RGS9: variants seen among roughly 807,000 people sequenced by gnomAD.
The protein encoded by RGS9 is regulator of G-protein signalling 9.
In RGS9, 78 loss-of-function variants were observed where a neutral mutation model predicts 102.0. The observed-to-expected ratio is 0.76, with a 90% CI of 0.64 to 0.92. RGS9 has a LOEUF of 0.92. RGS9 is among the 40% of genes least tolerant of loss of function. RGS9 has a pLI of 0.00. For missense variants in RGS9, 833 were observed against 866.1 expected (o/e 0.96, Z 0.48); for synonymous variants, 353 against 318.6 (o/e 1.11, Z -1.15).
chr17:65,159,443 T>G (rs993629126), intron 3 of RGS9, among the ~76,000 whole-genome samples: 1 of 151,996 alleles, frequency 6.6e-6, no homozygotes, highest in Non-Finnish European at 1.5e-5. Context: ...GGCATACAAC[T>G]TTAGGACTTG....
At position 65,225,126 on chromosome 17, in the gene RGS9, G is replaced by C; in HGVS notation, c.1532G>C (p.Ser511Thr). The change falls in exon 18 of 19, where the codon AGC (serine) becomes ACC (threonine). Residue 511 changes from serine to threonine, a missense_variant. Physicochemically the swap from Ser to Thr is moderately conservative, Grantham distance 58. Coordinates refer to ENST00000262406, the MANE Select transcript of RGS9 (RefSeq NM_003835.4). ...CCCAGGAAGCCTTTCGCCTCACCCAGCCGCTTCATCCGGCGACCCAGCACC... is the reference window on the plus strand; with the variant it reads ...CCCAGGAAGCCTTTCGCCTCACCCACCCGCTTCATCCGGCGACCCAGCACC... ...RSPRKPFASP[S>T]RFIRRPSTTI... 6.2e-7 allele frequency: 1 copy of C among 1,613,780 alleles called. No individual in the cohort carries two copies. Among genetic ancestry groups the C allele is most frequent in the South Asian group, 1.1e-5 (1 of 91,082 alleles).
chr17:65,146,433 C>A (rs530095065), intron 1 of RGS9, among the ~76,000 whole-genome samples: 11 of 151,582 alleles, frequency 7.3e-5, no homozygotes, highest in Admixed American at 2.0e-4. Context: ...ACTAAAAATA[C>A]AAAAATTAGC....
intron 10 of RGS9, 52 bp from the exon 11 acceptor site, chr17:65,190,123 A>G: frequency 7.1e-7 from 1 of 1,403,364 alleles, no homozygotes; most frequent in Non-Finnish European, 1.0e-6. Context: ...GTGTAGTGAC[A>G]CTGAAGGGTG....
chr17:65,220,287 G>C (rs949811532), intron 17 of RGS9, among the ~76,000 whole-genome samples: 1 of 152,144 alleles, frequency 6.6e-6, no homozygotes, highest in Non-Finnish European at 1.5e-5. Flanking sequence ...TTTGCAGTGC[G>C]GTCCTCCAGC....
intron 6 of RGS9, among the ~76,000 whole-genome samples, chr17:65,161,368 T>C (rs541185415): frequency 1.3e-3 from 200 of 152,230 alleles, no homozygotes; most frequent in African/African-American, 4.7e-3. Flanking sequence ...TCTCCTGCCT[T>C]AGCCTCCCGA....
intron 16 of RGS9, among the ~76,000 whole-genome samples, chr17:65,208,557 C>A (rs1159658836): frequency 6.6e-6 from 1 of 152,124 alleles, no homozygotes; most frequent in African/African-American, 2.4e-5. Context: ...TCTGGTAGAG[C>A]CATTGGGACA....
chr17:65,178,258 C>A (rs948740857), intron 9 of RGS9, among the ~76,000 whole-genome samples: 1 of 152,104 alleles, frequency 6.6e-6, no homozygotes, highest in Admixed American at 6.5e-5. Context: ...ATGACAGGAC[C>A]TGGAATCTAA....
At chr17:65,153,740 A>G (rs533302393) in intron 2 of RGS9, among the ~76,000 whole-genome samples, 1 of 152,104 alleles carries the variant, frequency 6.6e-6, no homozygotes, top group Non-Finnish European at 1.5e-5. Context: ...AATACAAAAA[A>G]TTAGCTGGGC....
Position 65,215,474 on chromosome 17 carries a change from C to CTT in RGS9, c.1407+4870_1407+4871insTT, listed in dbSNP as rs1378047430. 1.4e-3 allele frequency among the ~76,000 whole-genome samples: 186 copies of CTT among 137,030 alleles called. 2 individuals are homozygous for CTT. The highest frequency in any genetic ancestry group is 5.5e-3 in the East Asian group (26 of 4,716). The allele number at this position is 137,030 out of a possible 152,430, so 89.9% of individuals were successfully genotyped here. Reference sequence around the variant, plus strand: ...GGAGTTTCTCTTTCTTTCTTTCTTTCTCTATCTTTCTTTCGTTCTTTCGTT... The same window carrying CTT: ...GGAGTTTCTCTTTCTTTCTTTCTTTCTTTCTATCTTTCTTTCGTTCTTTCGTT... On this transcript the variant is annotated intron_variant, in intron 17 of 18. Transcript: ENST00000262406.
intron 1 of RGS9, among the ~76,000 whole-genome samples, chr17:65,139,134 C>T (rs1189433017): frequency 1.1e-3 from 154 of 139,402 alleles, no homozygotes; most frequent in African/African-American, 1.5e-3. Context: ...CCTCCTCCAC[C>T]CCAGGTCCTC....
rs145220078 is a variant in RGS9 at position 65,197,257 on chromosome 17, CA to C, written c.976+25del. 258 of 1,492,452 alleles carry C rather than the reference CA, an allele frequency of 1.7e-4. No homozygotes were observed. Among genetic ancestry groups the C allele is most frequent in the Non-Finnish European group, 2.1e-4 (225 of 1,076,462 alleles). The allele number at this position is 1,492,452 out of a possible 1,614,324, so 92.5% of individuals were successfully genotyped here. On this transcript the variant is annotated intron_variant, in intron 13 of 18. Transcript: ENST00000262406. Reference sequence around the variant, plus strand: ...GAATTCAGTGGTGGGTCTTTGTTTACAAAAAAAAATTAAAATAACTTACTTT... The same window carrying C: ...GAATTCAGTGGTGGGTCTTTGTTTACAAAAAAAATTAAAATAACTTACTTT...
intron 1 of RGS9, among the ~76,000 whole-genome samples, chr17:65,138,976 C>CCTCCTACATCCT (rs745512381): frequency 3.4e-5 from 3 of 87,852 alleles, no homozygotes; most frequent in African/African-American, 7.3e-5. Flanking sequence ...TCCTCCACCC[C>CCTCCTACATCCT]AGCATCCCCT....
chr17:65,198,456 A>G (rs1912680206), intron 13 of RGS9, among the ~76,000 whole-genome samples: 2 of 152,132 alleles, frequency 1.3e-5, no homozygotes, highest in Admixed American at 6.5e-5. Context: ...GGGTTTCGCC[A>G]TGTTGGCCAG....
At chr17:65,149,754 G>A (rs1347377665) in intron 1 of RGS9, among the ~76,000 whole-genome samples, 2 of 152,126 alleles carry the variant, frequency 1.3e-5, no homozygotes, top group African/African-American at 4.8e-5. Context: ...GGATTATAAA[G>A]TCACAAATTA....
At chr17:65,180,153 TGTCTGCGA>T (rs778307491) in intron 9 of RGS9, 1 of 152,220 alleles carries the variant, frequency 6.6e-6, no homozygotes, top group Non-Finnish European at 1.5e-5. Flanking sequence ...CATTTTCCAC[TGTCTGCGA>T]GTCCCCTGTG....
intron 12 of RGS9, 22 bp downstream of exon 12, chr17:65,193,678 G>GT (rs546503282): frequency 6.6e-7 from 1 of 1,516,388 alleles, no homozygotes; most frequent in East Asian, 2.3e-5. Context: ...ATATATTGGT[G>GT]TTTTTTAAAA....
rs757318425 is a variant in RGS9 at position 65,210,662 on chromosome 17, A to G, written c.1407+57A>G. ...TCCAAAAAGAGCTGCCTCCTAAATA[A>G]ATCTGTGATTCCTGGGGGTGGGGTC... On this transcript the variant is annotated intron_variant, in intron 17 of 18. Coordinates refer to ENST00000262406, the MANE Select transcript of RGS9 (RefSeq NM_003835.4). The G allele has an allele frequency of 4.4e-6, 7 of 1,607,296 alleles. No homozygotes were observed. The South Asian group carries it at 5.5e-5, about 13-fold the overall frequency.
intron 13 of RGS9, among the ~76,000 whole-genome samples, chr17:65,200,860 G>A (rs79834668): frequency 6.6e-6 from 1 of 152,040 alleles, no homozygotes; most frequent in African/African-American, 2.4e-5. Context: ...GTTATGAAAA[G>A]GTATCATGAA....
chr17:65,165,377 C>CT (rs1253901162), intron 7 of RGS9, among the ~76,000 whole-genome samples: 1 of 152,142 alleles, frequency 6.6e-6, no homozygotes, highest in African/African-American at 2.4e-5. Flanking sequence ...TTTGAGATGG[C>CT]TTTTTCCCAC....
Sources: allele counts gnomAD v4.1 joint callset (sites outside exome capture counted in the v4.1 genomes callset), GRCh38; gene constraint gnomAD v4.1.1; transcripts MANE v1.5; gene names NCBI Gene and HGNC (gene_info 2026-07-23, HGNC 2026-07-21).